Variants in PECAM1 observed in about 807,000 individuals in gnomAD.
PECAM1 encodes platelet and endothelial cell adhesion molecule 1, also known as platelet endothelial cell adhesion molecule.
In PECAM1, 8 loss-of-function variants were observed where a neutral mutation model predicts 13.8. That is an observed-to-expected ratio of 0.58 (90% CI 0.34 to 1.05). The LOEUF (loss-of-function observed/expected upper bound fraction) is 1.05. Among genes scored for constraint, PECAM1 ranks in the 50% least tolerant of loss-of-function variants. The pLI, the probability that PECAM1 is intolerant of heterozygous loss-of-function variation, is 0.03. For missense variants in PECAM1, 304 were observed against 141.2 expected, an observed-to-expected ratio of 2.15 and a Z score of -5.84; for synonymous variants, 136 against 52.6, an observed-to-expected ratio of 2.58 and a Z score of -6.86.
intron 14 of PECAM1, among the ~76,000 whole-genome samples, chr17:64,333,690 G>C (rs1353979835): frequency 1.3e-5 from 2 of 151,920 alleles, no homozygotes; most frequent in Admixed American, 6.6e-5. Context: ...AAAAAAGTGG[G>C]CTGGGCATTG....
intron 14 of PECAM1, among the ~76,000 whole-genome samples, chr17:64,334,112 TACA>T (rs1447742122): frequency 2.6e-4 from 22 of 84,978 alleles, no homozygotes; most frequent in African/African-American, 8.8e-4. Context: ...CGCCTCATGA[TACA>T]ACAATTAAAA....
chr17:64,328,652 A>G (rs1041466140), intron 15 of PECAM1, among the ~76,000 whole-genome samples: 3 of 152,380 alleles, frequency 2.0e-5, no homozygotes, highest in East Asian at 3.9e-4. Flanking sequence ...TGTCAAAGGC[A>G]TAATGAGCTC....
chr17:64,335,105 A>G lies in PECAM1; in HGVS notation c.2165-5383T>C, dbSNP rs957016767. Among the ~76,000 whole-genome samples the G allele has an allele frequency of 8.1e-4, 116 of 143,424 alleles. No individual in the cohort carries two copies. The East Asian group carries it at 0.02, about 25-fold the overall frequency. The allele number at this position is 143,424 out of a possible 152,430, so 94.1% of individuals were successfully genotyped here. A position where few individuals can be genotyped will look rare whatever the true frequency, so the allele number is the denominator to read the frequency against. ...CCGCTCCAGACCTAGTGAATGGGAA[A>G]TTCACAGGGAGTGGGGTGCGCCAAA... On this transcript the variant is annotated intron_variant, in intron 14 of 15. Transcript: ENST00000563924.
At position 64,323,772 on chromosome 17, in the gene PECAM1, G is replaced by A. The variant is rs782518829; in HGVS notation, c.*44C>T. The A allele has an allele frequency of 8.1e-6, 9 of 1,113,200 alleles. No homozygotes were observed. Among genetic ancestry groups the A allele is most frequent in the Middle Eastern group, 1.9e-4 (1 of 5,152 alleles). The allele number at this position is 1,113,200 out of a possible 1,614,324, so 69.0% of individuals were successfully genotyped here. A position where few individuals can be genotyped will look rare whatever the true frequency, so the allele number is the denominator to read the frequency against. On this transcript the variant is annotated 3_prime_UTR_variant, in exon 16 of 16. Transcript: ENST00000563924. ...AATACAGGGATTATCTGTTCTTCTC[G>A]GAACATGGATGTCCTTCCAGGGATG...
At position 64,322,683 on chromosome 17, in the gene PECAM1, G is replaced by A. The variant is rs2034834306; in HGVS notation, c.*1133C>T. ...CAAGACACTGTCAGGAATGTCTTAA[G>A]ACCTCAGGAGACCACTTCTTTAGCA... On this transcript the variant is annotated 3_prime_UTR_variant, in exon 16 of 16. Coordinates refer to ENST00000563924, the MANE Select transcript of PECAM1 (RefSeq NM_000442.5). The A allele has an allele frequency of 1.0e-6, 1 of 984,872 alleles. No homozygotes were observed. Among genetic ancestry groups the A allele is most frequent in the African/African-American group, 1.7e-5 (1 of 57,242 alleles). The allele number at this position is 984,872 out of a possible 1,614,324, so 61.0% of individuals were successfully genotyped here.
chr17:64,334,054 C>A (rs1270252358), intron 14 of PECAM1, among the ~76,000 whole-genome samples: 2 of 151,140 alleles, frequency 1.3e-5, no homozygotes, highest in African/African-American at 4.9e-5. Flanking sequence ...AGGATCCCTG[C>A]CAGTGCTGTG....
intron 14 of PECAM1, among the ~76,000 whole-genome samples, chr17:64,340,128 G>T (rs1255651234): frequency 6.6e-6 from 1 of 152,072 alleles, no homozygotes; most frequent in African/African-American, 2.4e-5. Context: ...CTCCAGTCTG[G>T]GTGACAGAGT....
chr17:64,336,363 G>A (rs1190762173), intron 14 of PECAM1, among the ~76,000 whole-genome samples: 2 of 152,148 alleles, frequency 1.3e-5, no homozygotes, highest in Non-Finnish European at 2.9e-5. Context: ...CTGAGGATGA[G>A]TGTGAGAGAA....
chr17:64,362,461 A>G (rs963223775), intron 6 of PECAM1, among the ~76,000 whole-genome samples: 1 of 152,096 alleles, frequency 6.6e-6, no homozygotes, highest in Non-Finnish European at 1.5e-5. Context: ...CATCCTGGCT[A>G]ACACGGTGAA....
chr17:64,354,106 A>AT (rs1202099819), intron 9 of PECAM1, among the ~76,000 whole-genome samples: 2 of 151,880 alleles, frequency 1.3e-5, no homozygotes, highest in African/African-American at 4.8e-5. Flanking sequence ...CGTCTGGCCA[A>AT]TTTTTTGTAT....
chr17:64,351,056 T>G (rs2143774653), intron 11 of PECAM1, among the ~76,000 whole-genome samples: 1 of 152,194 alleles, frequency 6.6e-6, no homozygotes, highest in Admixed American at 6.5e-5. Flanking sequence ...TTTTGTATTT[T>G]TAGTAGAAAC....
chr17:64,347,323 C>T (rs1048879193), intron 13 of PECAM1, among the ~76,000 whole-genome samples: 21 of 151,194 alleles, frequency 1.4e-4, no homozygotes, highest in South Asian at 2.1e-4. Context: ...TTCGAGTTCA[C>T]GCTGGCCAAC....
rs899530776 is a variant in PECAM1 at position 64,350,423 on chromosome 17, G to A, written c.2001C>T (p.Asp667=). The change falls in exon 12 of 16, where the codon GAC becomes GAT. Residue 667 remains aspartate, a synonymous_variant. Transcript: ENST00000563924. ...MEANSHYGHN[D]DVRNHAMKPI... is the part of the protein sequence containing the mutation. ...GTTTCATTGCATGGTTTCTGACATC[G>A]TCATTGTGACCTAGTTGAAAAATAA... is the stretch of plus-strand genomic sequence containing the variant. 32 of 430,190 alleles carry A rather than the reference G, an allele frequency of 7.4e-5. No homozygotes were observed. In the East Asian group the frequency reaches 1.0e-3, roughly 14 times the overall value. The allele number at this position is 430,190 out of a possible 1,614,324, so 26.6% of individuals were successfully genotyped here.
intron 6 of PECAM1, 104 bp downstream of exon 6, chr17:64,363,045 C>T (rs1322452843): frequency 2.1e-6 from 1 of 468,232 alleles, no homozygotes; most frequent in Non-Finnish European, 3.9e-6. Flanking sequence ...CTAGTTCTTA[C>T]CCTGCCTGAG....
chr17:64,323,250 C>T lies in PECAM1; in HGVS notation c.*566G>A. The T allele has an allele frequency of 1.0e-6, 1 of 992,454 alleles. No homozygotes were observed. The highest frequency in any genetic ancestry group is 1.7e-5 in the African/African-American group (1 of 57,352). 61.5% of individuals were successfully genotyped at this position (992,454 alleles called of 1,614,324 possible). On this transcript the variant is annotated 3_prime_UTR_variant, in exon 16 of 16. Transcript: ENST00000563924. ...GGTTGGTATTTCACAGGCGGTGCTC[C>T]CAAGTAGTCTGGTTTTCCCATTTGT...
chr17:64,323,764 T>C lies in PECAM1; in HGVS notation c.*52A>G. The C allele has an allele frequency of 8.6e-7, 1 of 1,161,458 alleles. No individual in the cohort carries two copies. Among genetic ancestry groups the C allele is most frequent in the South Asian group, 1.2e-5 (1 of 81,804 alleles). 71.9% of individuals were successfully genotyped at this position (1,161,458 alleles called of 1,614,324 possible). A position where few individuals can be genotyped will look rare whatever the true frequency, so the allele number is the denominator to read the frequency against. On this transcript the variant is annotated 3_prime_UTR_variant, in exon 16 of 16. Coordinates refer to ENST00000563924, the MANE Select transcript of PECAM1 (RefSeq NM_000442.5). ...GGTCTTGAAATACAGGGATTATCTGTTCTTCTCGGAACATGGATGTCCTTC... is the reference window on the plus strand; with the variant it reads ...GGTCTTGAAATACAGGGATTATCTGCTCTTCTCGGAACATGGATGTCCTTC...
intron 2 of PECAM1, among the ~76,000 whole-genome samples, chr17:64,381,255 G>C (rs1468562167): frequency 6.6e-6 from 1 of 152,074 alleles, no homozygotes; most frequent in Non-Finnish European, 1.5e-5. Context: ...TGTTCTAATG[G>C]ACCTTGTTCC....
intron 8 of PECAM1, among the ~76,000 whole-genome samples, chr17:64,355,292 A>G (rs1048077162): frequency 5.2e-4 from 79 of 151,968 alleles, no homozygotes; most frequent in African/African-American, 1.9e-3. Context: ...GCTGGGGTAG[A>G]CTCTTTTCTT....
intron 15 of PECAM1, among the ~76,000 whole-genome samples, chr17:64,328,450 C>T (rs1108592): frequency 0.47 from 71,567 of 152,034 alleles, 18,073 homozygotes; most frequent in East Asian, 0.69. Context: ...ACCCCAGACA[C>T]GCTATTCTAC....
Sources: gnomAD v4.1 joint callset for allele counts (sites outside exome capture counted in the v4.1 genomes callset) on GRCh38, gnomAD v4.1.1 for gene constraint, MANE v1.5 for transcripts, NCBI Gene and HGNC (gene_info 2026-07-23, HGNC 2026-07-21) for gene names.